UGT1A6: variants seen among roughly 807,000 people sequenced by gnomAD.
The protein encoded by UGT1A6 is UDP-glucuronosyltransferase 1A6.
In UGT1A6, 32 loss-of-function variants were observed where a neutral mutation model predicts 44.4. That is an observed-to-expected ratio of 0.72 (90% confidence interval 0.54 to 0.97). UGT1A6 has a LOEUF of 0.97. Among genes scored for constraint, UGT1A6 ranks in the 50% least tolerant of loss-of-function variants. The pLI is 0.00. For missense variants in UGT1A6, 685 were observed against 661.9 expected, an observed-to-expected ratio of 1.03 and a Z score of -0.38; for synonymous variants, 238 against 248.5, an observed-to-expected ratio of 0.96 and a Z score of 0.40.
At chr2:233,702,428 C>A (rs1245005959) in intron 1 of UGT1A6, among the ~76,000 whole-genome samples, 1 of 152,062 alleles carries the variant, frequency 6.6e-6, no homozygotes, top group African/African-American at 2.4e-5. Context: ...TTACTTCTTC[C>A]TTTCTAATAA....
At chr2:233,720,869 C>A (rs944438074) in intron 1 of UGT1A6, among the ~76,000 whole-genome samples, 12 of 119,508 alleles carry the variant, frequency 1.0e-4, no homozygotes, top group African/African-American at 3.8e-4. Flanking sequence ...CTGCTCCTGG[C>A]AATTTTTTTT....
rs187295904 is a variant in UGT1A6 at position 233,750,155 on chromosome 2, A to G, written c.862-16879A>G. 9.7e-4 allele frequency among the ~76,000 whole-genome samples: 148 copies of G among 152,026 alleles called. 1 individual carries two copies. Among genetic ancestry groups the G allele is most frequent in the Non-Finnish European group, 1.5e-3 (103 of 68,038 alleles). ...TTGGAACTTCCTAGAGACTTGTTGA[A>G]TGGTTTTGACCAAAATGCTGATAAT... On this transcript the variant is annotated intron_variant, in intron 1 of 4. Coordinates refer to ENST00000305139, the MANE Select transcript of UGT1A6 (RefSeq NM_001072.4).
At chr2:233,734,343 T>G (rs1193439739) in intron 1 of UGT1A6, among the ~76,000 whole-genome samples, 2 of 152,200 alleles carry the variant, frequency 1.3e-5, no homozygotes, top group Admixed American at 6.5e-5. Flanking sequence ...TGATGGTAGT[T>G]TGTATTTCTG....
intron 1 of UGT1A6, chr2:233,755,110 CGT>C: frequency 7.5e-7 from 1 of 1,333,642 alleles, no homozygotes; most frequent in Non-Finnish European, 1.0e-6. Flanking sequence ...GACAACACCT[CGT>C]AGGCCTCAGC....
chr2:233,712,899 G>T, intron 1 of UGT1A6: 1 of 1,608,322 alleles, frequency 6.2e-7, no homozygotes, highest in Non-Finnish European at 8.5e-7. Flanking sequence ...TGATTTGCTA[G>T]GTGTCTCAGT....
At chr2:233,770,232 T>C (rs980234122) in intron 4 of UGT1A6, 2 of 152,214 alleles carry the variant, frequency 1.3e-5, no homozygotes, top group Non-Finnish European at 2.9e-5. Flanking sequence ...ATTGTGAATC[T>C]CCATGATTCC....
At chr2:233,764,091 A>T (rs1189642052) in intron 1 of UGT1A6, among the ~76,000 whole-genome samples, 1 of 152,202 alleles carries the variant, frequency 6.6e-6, no homozygotes, top group East Asian at 1.9e-4. Flanking sequence ...AAAAGCCTAA[A>T]CTAAAAATAC....
chr2:233,725,558 C>A (rs1559370859), intron 1 of UGT1A6, among the ~76,000 whole-genome samples: 1 of 152,094 alleles, frequency 6.6e-6, no homozygotes, highest in Non-Finnish European at 1.5e-5. Context: ...ATCCTTTCAA[C>A]ATATATTCGA....
chr2:233,767,737 C>A, intron 2 of UGT1A6, 112 bp from the exon 3 acceptor site: 1 of 1,571,400 alleles, frequency 6.4e-7, no homozygotes, highest in South Asian at 1.2e-5. Context: ...TCCTCCCACT[C>A]TGTTAAAGAC....
rs2075671256 is a variant in UGT1A6 at position 233,702,138 on chromosome 2, A to T, written c.861+8273A>T. Reference sequence around the variant, plus strand: ...CTTAGAACATTTTCAGTCACTCCCAAAGATACCTTATATCTATTATCAGTC... The same window carrying T: ...CTTAGAACATTTTCAGTCACTCCCATAGATACCTTATATCTATTATCAGTC... On this transcript the variant is annotated intron_variant, in intron 1 of 4. Transcript: ENST00000305139. Among the ~76,000 whole-genome samples the T allele has an allele frequency of 2.0e-5, 3 of 152,126 alleles. No homozygotes were observed. In the South Asian group the frequency reaches 6.2e-4, roughly 32 times the overall value.
chr2:233,732,322 T>C (rs1402745036), intron 1 of UGT1A6, among the ~76,000 whole-genome samples: 3 of 152,262 alleles, frequency 2.0e-5, no homozygotes, highest in Non-Finnish European at 4.4e-5. Context: ...ATTTTGGCTT[T>C]TGTTGCCATT....
intron 1 of UGT1A6, among the ~76,000 whole-genome samples, chr2:233,750,991 C>T (rs545732182): frequency 4.6e-5 from 7 of 151,894 alleles, no homozygotes; most frequent in South Asian, 2.1e-4. Flanking sequence ...AGAAGGCGGC[C>T]ACCATCCTCC....
rs186714678 is a variant in UGT1A6 at position 233,744,068 on chromosome 2, C to T, written c.862-22966C>T. On this transcript the variant is annotated intron_variant, in intron 1 of 4. Coordinates refer to ENST00000305139, the MANE Select transcript of UGT1A6 (RefSeq NM_001072.4). ...CATCTCATTGGTCGAGGCCTATGAG[C>T]GCCTCGCATCCCAAGATGCAGTGCT... is the stretch of plus-strand genomic sequence containing the variant. 2.4e-4 allele frequency: 123 copies of T among 517,010 alleles called. 1 individual carries two copies. Among genetic ancestry groups the T allele is most frequent in the African/African-American group, 1.6e-3 (78 of 49,160 alleles). 32.0% of individuals were successfully genotyped at this position (517,010 alleles called of 1,614,324 possible).
chr2:233,726,305 A>G (rs1451221769), intron 1 of UGT1A6, among the ~76,000 whole-genome samples: 1 of 152,118 alleles, frequency 6.6e-6, no homozygotes, highest in African/African-American at 2.4e-5. Flanking sequence ...AGGTGGGAGG[A>G]TCATTGAGCT....
chr2:233,718,206 A>G (rs2076639906), intron 1 of UGT1A6, among the ~76,000 whole-genome samples: 1 of 152,138 alleles, frequency 6.6e-6, no homozygotes, highest in Non-Finnish European at 1.5e-5. Context: ...GCTTTTTTTT[A>G]TATTGACAGC....
At chr2:233,713,329 G>T (rs1283869800) in intron 1 of UGT1A6, 2 of 1,614,226 alleles carry the variant, frequency 1.2e-6, no homozygotes, top group South Asian at 1.1e-5. Context: ...TTTTCTAGAA[G>T]AATGGCAATT....
chr2:233,709,243 A>C (rs2125614867), intron 1 of UGT1A6, among the ~76,000 whole-genome samples: 1 of 152,276 alleles, frequency 6.6e-6, no homozygotes, highest in South Asian at 2.1e-4. Context: ...GGCCGCTGGG[A>C]TGAGATAGGA....
intron 1 of UGT1A6, among the ~76,000 whole-genome samples, chr2:233,736,104 T>C (rs1411990177): frequency 6.6e-6 from 1 of 152,222 alleles, no homozygotes; most frequent in Non-Finnish European, 1.5e-5. Context: ...CTGAAGAGTG[T>C]TTTCCAACTT....
At chr2:233,770,057 T>C (rs1700010876) in intron 4 of UGT1A6, 1 of 154,188 alleles carries the variant, frequency 6.5e-6, no homozygotes, top group Admixed American at 6.5e-5. Context: ...GCTCACATTA[T>C]GGATATAATT....
Sources: gnomAD v4.1 joint callset for allele counts (sites outside exome capture counted in the v4.1 genomes callset) on GRCh38, gnomAD v4.1.1 for gene constraint, MANE v1.5 for transcripts, NCBI Gene and HGNC (gene_info 2026-07-23, HGNC 2026-07-21) for gene names.